TMEM108: variants seen among roughly 807,000 people sequenced by gnomAD.
TMEM108 encodes the protein cancer/testis antigen 124.
Under a neutral mutation model 35.1 loss-of-function variants are expected in TMEM108, and 12 were observed. The observed-to-expected ratio is 0.34, with a 90% CI of 0.22 to 0.55. TMEM108 has a LOEUF of 0.55. TMEM108 is among the 20% of genes least tolerant of loss of function. TMEM108 has a pLI of 0.89. For synonymous variants in TMEM108, 287 were observed against 308.6 expected, an observed-to-expected ratio of 0.93 and a Z score of 0.73; for missense variants, 680 against 753.3, an observed-to-expected ratio of 0.90 and a Z score of 1.14.
rs930359898 is a variant in TMEM108 at position 133,251,188 on chromosome 3, A to G, written c.40+21837A>G. On this transcript the variant is annotated intron_variant, in intron 3 of 5. Transcript: ENST00000321871. ...TTTCATTTATTCAACAAATATTTCA[A>G]TGTCTGTTATATGTGCAAGTATTAT... Among the ~76,000 whole-genome samples the G allele has an allele frequency of 2.8e-4, 43 of 152,152 alleles. 1 individual carries two copies. Among genetic ancestry groups the G allele is most frequent in the African/African-American group, 1.0e-3 (42 of 41,446 alleles).
intron 3 of TMEM108, among the ~76,000 whole-genome samples, chr3:133,234,556 C>T (rs984663819): frequency 6.6e-6 from 1 of 152,186 alleles, no homozygotes; most frequent in Non-Finnish European, 1.5e-5. Context: ...AACAACGCTT[C>T]ATGCTAAAAA....
intron 2 of TMEM108, among the ~76,000 whole-genome samples, chr3:133,063,027 G>A (rs973455616): frequency 2.6e-5 from 4 of 152,262 alleles, no homozygotes; most frequent in African/African-American, 9.6e-5. Flanking sequence ...ACAGTGAAAA[G>A]CTGTAGTATC....
At chr3:133,165,412 A>G (rs1204452688) in intron 2 of TMEM108, among the ~76,000 whole-genome samples, 1 of 152,246 alleles carries the variant, frequency 6.6e-6, no homozygotes, top group Admixed American at 6.5e-5. Flanking sequence ...AGCATTTTAA[A>G]ATTATATACT....
chr3:133,289,540 A>C (rs1947032919), intron 3 of TMEM108, among the ~76,000 whole-genome samples: 1 of 152,160 alleles, frequency 6.6e-6, no homozygotes, highest in Non-Finnish European at 1.5e-5. Context: ...TTTCTTTGGC[A>C]AGCTGGGTTT....
intron 4 of TMEM108, among the ~76,000 whole-genome samples, chr3:133,381,417 A>G (rs2073009932): frequency 6.6e-6 from 1 of 151,664 alleles, no homozygotes; most frequent in Non-Finnish European, 1.5e-5. Context: ...GTCTAATCCA[A>G]CCCTGCATTT....
chr3:133,164,519 T>C (rs1056293167), intron 2 of TMEM108, among the ~76,000 whole-genome samples: 7 of 152,158 alleles, frequency 4.6e-5, no homozygotes, highest in African/African-American at 1.7e-4. Context: ...ACTGAACTTG[T>C]AGTGAGAATC....
chr3:133,149,640 T>C (rs1159503283), intron 2 of TMEM108, among the ~76,000 whole-genome samples: 1 of 152,162 alleles, frequency 6.6e-6, no homozygotes, highest in Non-Finnish European at 1.5e-5. Context: ...TAACATCCTC[T>C]AGGTTCATCT....
intron 3 of TMEM108, among the ~76,000 whole-genome samples, chr3:133,345,469 A>G (rs534752595): frequency 6.6e-6 from 1 of 151,910 alleles, no homozygotes; most frequent in African/African-American, 2.4e-5. Context: ...TATCATTAAA[A>G]CCAGGATTAA....
chr3:133,202,688 T>A (rs1303324849), intron 2 of TMEM108, among the ~76,000 whole-genome samples: 1 of 152,202 alleles, frequency 6.6e-6, no homozygotes, highest in African/African-American at 2.4e-5. Context: ...CTATTTTGGT[T>A]ACTGTAGCCT....
At chr3:133,087,818 G>C (rs1015276767) in intron 2 of TMEM108, among the ~76,000 whole-genome samples, 2 of 152,150 alleles carry the variant, frequency 1.3e-5, no homozygotes, top group Non-Finnish European at 2.9e-5. Flanking sequence ...GCAGCAACCA[G>C]AGAAGAGCTG....
intron 4 of TMEM108, chr3:133,386,795 G>T: frequency 1.2e-6 from 1 of 834,392 alleles, no homozygotes; most frequent in Non-Finnish European, 1.5e-6. Flanking sequence ...GGACAATACA[G>T]GATAGTGGAT....
chr3:133,179,248 C>T (rs1455942164), intron 2 of TMEM108, among the ~76,000 whole-genome samples: 4 of 152,036 alleles, frequency 2.6e-5, no homozygotes, highest in Non-Finnish European at 5.9e-5. Context: ...GTCAGTGTGG[C>T]GATTCCTCAG....
intron 2 of TMEM108, among the ~76,000 whole-genome samples, chr3:133,146,336 C>T (rs898801176): frequency 1.3e-5 from 2 of 152,284 alleles, no homozygotes; most frequent in Middle Eastern, 3.4e-3. Context: ...GGTGGATAAA[C>T]TATTTGATGT....
chr3:133,170,249 A>G (rs2107789436), intron 2 of TMEM108, among the ~76,000 whole-genome samples: 1 of 152,326 alleles, frequency 6.6e-6, no homozygotes, highest in East Asian at 1.9e-4. Flanking sequence ...TTCCCATAAT[A>G]TTCACATTGT....
At chr3:133,074,236 A>G (rs372620057) in intron 2 of TMEM108, 1 of 152,102 alleles carries the variant, frequency 6.6e-6, no homozygotes, top group Non-Finnish European at 1.5e-5. Flanking sequence ...ATTTACTTAA[A>G]TATTTATTTC....
intron 2 of TMEM108, among the ~76,000 whole-genome samples, chr3:133,094,512 A>G (rs1394303539): frequency 6.6e-6 from 1 of 152,114 alleles, no homozygotes; most frequent in Non-Finnish European, 1.5e-5. Flanking sequence ...GCATACCGAT[A>G]AAACAAGACA....
intron 5 of TMEM108, among the ~76,000 whole-genome samples, chr3:133,391,301 A>G (rs192998409): frequency 6.6e-6 from 1 of 152,342 alleles, no homozygotes; most frequent in Admixed American, 6.5e-5. Flanking sequence ...TAGCTCAACT[A>G]GGATGCAATT....
chr3:133,285,948 A>G (rs1304659848), intron 3 of TMEM108, among the ~76,000 whole-genome samples: 1 of 152,204 alleles, frequency 6.6e-6, no homozygotes, highest in Non-Finnish European at 1.5e-5. Context: ...GGGGCACCTC[A>G]TGACATGAAC....
chr3:133,396,760 G>A lies in TMEM108; in HGVS notation c.*774G>A, dbSNP rs1389336163. ...CATTAAACACCCGTGCCTTTCTCTT[G>A]GAGAGGGTTTAGATGCAGATCCCGG... is the stretch of plus-strand genomic sequence containing the variant. On this transcript the variant is annotated 3_prime_UTR_variant, in exon 6 of 6. Coordinates refer to ENST00000321871, the MANE Select transcript of TMEM108 (RefSeq NM_023943.4). 6.6e-6 allele frequency: 1 copy of A among 152,112 alleles called. No individual in the cohort carries two copies. Among genetic ancestry groups the A allele is most frequent in the African/African-American group, 2.4e-5 (1 of 41,410 alleles). 9.4% of individuals were successfully genotyped at this position (152,112 alleles called of 1,614,324 possible).
Sources: allele counts gnomAD v4.1 joint callset (sites outside exome capture counted in the v4.1 genomes callset), GRCh38; gene constraint gnomAD v4.1.1; transcripts MANE v1.5; gene names NCBI Gene and HGNC (gene_info 2026-07-23, HGNC 2026-07-21).